Variants in CEP85L observed in about 807,000 individuals in gnomAD.
CEP85L encodes the protein centrosomal protein 85L.
A neutral mutation model predicts 100.3 loss-of-function variants in CEP85L; 60 were observed. The ratio of observed to expected loss-of-function variants is 0.60; its 90% CI spans 0.49 to 0.74. CEP85L has a LOEUF of 0.74. CEP85L is among the 30% of genes least tolerant of loss of function. CEP85L has a pLI of 0.00. For missense variants in CEP85L, 973 were observed against 936.2 expected (o/e 1.04, Z -0.51); for synonymous variants, 319 against 322.7 (o/e 0.99, Z 0.12).
chr6:118,596,664 T>A (rs959066356), intron 2 of CEP85L, among the ~76,000 whole-genome samples: 28 of 151,520 alleles, frequency 1.8e-4, no homozygotes, highest in African/African-American at 6.6e-4. Flanking sequence ...ACTGATTTTT[T>A]TAAAAAAAAA....
chr6:118,681,932 G>T (rs968480688), intron 1 of CEP85L, among the ~76,000 whole-genome samples: 2 of 151,856 alleles, frequency 1.3e-5, no homozygotes, highest in Admixed American at 6.6e-5. Flanking sequence ...GTAGAGACGG[G>T]GTTTCGCCAT....
intron 10 of CEP85L, 53 bp from the exon 11 acceptor site, chr6:118,470,697 A>G: frequency 1.0e-6 from 1 of 1,000,180 alleles, no homozygotes; most frequent in Non-Finnish European, 1.5e-6. Context: ...GTAAAGAAAA[A>G]TCTCAAACAG....
intron 1 of CEP85L, among the ~76,000 whole-genome samples, chr6:118,645,654 A>G (rs1775130649): frequency 6.6e-6 from 1 of 152,230 alleles, no homozygotes; most frequent in Non-Finnish European, 1.5e-5. Flanking sequence ...CCTGACTGAC[A>G]GAGTGAGACA....
chr6:118,651,224 G>A lies in CEP85L; in HGVS notation c.46C>T (p.Pro16Ser). The stretch of plus-strand genomic sequence containing the variant: ...GCAGGGAAGCTGCGGGCTCCGCCGG[G>A]GCTATCCCGGCCGCTGGCCTCCGGA... Reference protein sequence around the residue: ...LAPEASGRDSPGGARSFPAGP... With the variant: ...LAPEASGRDSSGGARSFPAGP... Residue 16 changes from proline to serine, a missense_variant, in exon 1 of 13, where the codon CCC becomes TCC. Physicochemically the swap from Pro to Ser is moderately conservative, Grantham distance 74. This residue lies in a region of CEP85L where 79 missense variants were observed against 73.3 expected (regional missense o/e 1.08). Transcript: ENST00000368491. 6.7e-7 allele frequency: 1 copy of A among 1,496,722 alleles called. No homozygotes were observed. Among genetic ancestry groups the A allele is most frequent in the South Asian group, 1.2e-5 (1 of 80,192 alleles). The allele number at this position is 1,496,722 out of a possible 1,614,324, so 92.7% of individuals were successfully genotyped here. A position where few individuals can be genotyped will look rare whatever the true frequency, so the allele number is the denominator to read the frequency against.
Position 118,565,813 on chromosome 6 carries a change from T to A in CEP85L, c.736A>T (p.Thr246Ser). The change falls in exon 3 of 13, where the codon ACT becomes TCT. Residue 246 changes from threonine (T) to serine (S), a missense_variant. Physicochemically the swap from Thr to Ser is moderately conservative, Grantham distance 58. Transcript: ENST00000368491. ...SKEDFRASSS[T>S]LRRQPVDMTY... is the part of the protein sequence containing the mutation. ...ATGTCTACAGGCTGTCTCCTAAGAG[T>A]AGAGGAAGAGGCTCTAAAGTCCTCC... The A allele has an allele frequency of 6.2e-7, 1 of 1,614,044 alleles. No individual in the cohort carries two copies. The highest frequency in any genetic ancestry group is 8.5e-7 in the Non-Finnish European group (1 of 1,180,004).
At chr6:118,479,976 G>A in intron 9 of CEP85L, 55 bp from the exon 10 acceptor site, 2 of 890,752 alleles carry the variant, frequency 2.2e-6, no homozygotes, top group Non-Finnish European at 1.7e-6. Context: ...CTTCTTAAAA[G>A]TACCAACATT....
At chr6:118,632,745 A>G (rs554904291) in intron 1 of CEP85L, 134 bp from the exon 2 acceptor site, 1 of 584,428 alleles carries the variant, frequency 1.7e-6, no homozygotes, top group East Asian at 3.1e-5. Flanking sequence ...ATTTAAAATG[A>G]TCAACAAAAT....
upstream of CEP85L, chr6:118,652,328 C>T: frequency 1.1e-6 from 1 of 926,984 alleles, no homozygotes; most frequent in Non-Finnish European, 1.3e-6. Flanking sequence ...CACCCTTCAC[C>T]TGAACCCTTA....
intron 2 of CEP85L, among the ~76,000 whole-genome samples, chr6:118,626,722 G>A (rs946767930): frequency 3.9e-5 from 6 of 152,102 alleles, no homozygotes; most frequent in Admixed American, 3.9e-4. Context: ...CTCTCTCTCA[G>A]TCCAAGTCTC....
chr6:118,553,773 T>G (rs1261768877), intron 3 of CEP85L, among the ~76,000 whole-genome samples: 1 of 152,150 alleles, frequency 6.6e-6, no homozygotes, highest in Non-Finnish European at 1.5e-5. Flanking sequence ...GCTCATCTCT[T>G]TAGGGCATAT....
chr6:118,565,821 G>C lies in CEP85L; in HGVS notation c.728C>G (p.Ser243Cys). The change falls in exon 3 of 13, where the codon TCT becomes TGT. Residue 243 changes from serine to cysteine, a missense_variant. Around this residue, in one of 3 missense-constraint regions of CEP85L, gnomAD observed 890 missense variants for 844.5 expected, o/e 1.05. Transcript: ENST00000368491. ...AGGCTGTCTCCTAAGAGTAGAGGAAGAGGCTCTAAAGTCCTCCTTGCTACA... is the reference window on the plus strand; with the variant it reads ...AGGCTGTCTCCTAAGAGTAGAGGAACAGGCTCTAAAGTCCTCCTTGCTACA... ...ESCSKEDFRA[S>C]SSTLRRQPVD... The C allele has an allele frequency of 1.2e-6, 2 of 1,614,096 alleles. No individual in the cohort carries two copies. Among genetic ancestry groups the C allele is most frequent in the Non-Finnish European group, 1.7e-6 (2 of 1,180,006 alleles).
chr6:118,667,277 G>A (rs1776162657), intron 1 of CEP85L, among the ~76,000 whole-genome samples: 1 of 152,178 alleles, frequency 6.6e-6, no homozygotes, highest in Non-Finnish European at 1.5e-5. Context: ...TTGCTTGAGG[G>A]AACTATTCCT....
At chr6:118,527,801 A>G (rs527588852) in intron 3 of CEP85L, among the ~76,000 whole-genome samples, 2 of 152,206 alleles carry the variant, frequency 1.3e-5, no homozygotes, top group Non-Finnish European at 2.9e-5. Flanking sequence ...TTAAAAATAA[A>G]TATCTATTTT....
intron 2 of CEP85L, among the ~76,000 whole-genome samples, chr6:118,599,746 A>T (rs952665322): frequency 2.6e-5 from 4 of 152,244 alleles, no homozygotes; most frequent in Admixed American, 6.5e-5. Flanking sequence ...TGATATGATG[A>T]AAAGAATATT....
chr6:118,692,448 T>C (rs1305179789), intron 1 of CEP85L, among the ~76,000 whole-genome samples: 1 of 152,160 alleles, frequency 6.6e-6, no homozygotes, highest in Non-Finnish European at 1.5e-5. Context: ...ACAGTCAAAA[T>C]AATCCCTGAG....
At chr6:118,576,955 C>T (rs979631024) in intron 2 of CEP85L, among the ~76,000 whole-genome samples, 13 of 152,146 alleles carry the variant, frequency 8.5e-5, no homozygotes, top group Non-Finnish European at 1.6e-4. Flanking sequence ...CAAACTGTCC[C>T]CTTTCCACTT....
At position 118,613,036 on chromosome 6, in the gene CEP85L, T is replaced by C. The variant is rs201108496; in HGVS notation, c.232+19417A>G. 3.0e-4 allele frequency among the ~76,000 whole-genome samples: 45 copies of C among 151,920 alleles called. No individual in the cohort carries two copies. The East Asian group carries it at 8.6e-3, about 29-fold the overall frequency. Reference sequence around the variant, plus strand: ...GAGTTTGAGACCAGCCTGACCAACATGGAGAAATCCCCTCTACTAAAAATA... The same window carrying C: ...GAGTTTGAGACCAGCCTGACCAACACGGAGAAATCCCCTCTACTAAAAATA... On this transcript the variant is annotated intron_variant, in intron 2 of 12. Transcript: ENST00000368491.
At chr6:118,648,739 CAAA>C (rs11442696) in intron 1 of CEP85L, among the ~76,000 whole-genome samples, 4 of 73,312 alleles carry the variant, frequency 5.5e-5, no homozygotes, top group Non-Finnish European at 5.9e-5. Flanking sequence ...AAGACTGTCT[CAAA>C]AAAAAAAAAA....
intron 3 of CEP85L, among the ~76,000 whole-genome samples, chr6:118,545,399 G>T: frequency 6.6e-6 from 1 of 152,030 alleles, no homozygotes; most frequent in East Asian, 1.9e-4. Context: ...ACCAGCCTGG[G>T]CAATATGGTG....
Sources: gnomAD v4.1 joint callset for allele counts (sites outside exome capture counted in the v4.1 genomes callset) on GRCh38, gnomAD v4.1.1 for gene constraint, gnomAD v4.1.1 regional missense constraint, MANE v1.5 for transcripts, NCBI Gene and HGNC (gene_info 2026-07-23, HGNC 2026-07-21) for gene names.